LCOR: variants seen among roughly 807,000 people sequenced by gnomAD.
LCOR encodes ligand-dependent corepressor.
Under a neutral mutation model 64.4 loss-of-function variants are expected in LCOR, and 14 were observed. The observed-to-expected ratio is 0.22, with a 90% CI of 0.14 to 0.34. The LOEUF is 0.34. LCOR is among the 10% of genes least tolerant of loss of function. LCOR has a pLI of 1.00. For missense variants in LCOR, 1,686 were observed against 1,765.3 expected, an observed-to-expected ratio of 0.96 and a Z score of 0.80; for synonymous variants, 643 against 642.5, an observed-to-expected ratio of 1.00 and a Z score of -0.01.
rs1043106463 is a variant in LCOR at position 96,992,499 on chromosome 10, C to G, written c.*7365C>G. 1.3e-5 allele frequency: 2 copies of G among 152,310 alleles called. No individual in the cohort carries two copies. Among genetic ancestry groups the G allele is most frequent in the African/African-American group, 4.8e-5 (2 of 41,464 alleles). 9.4% of individuals were successfully genotyped at this position (152,310 alleles called of 1,614,324 possible). On this transcript the variant is annotated 3_prime_UTR_variant, in exon 8 of 8. Coordinates refer to ENST00000421806, the MANE Select transcript of LCOR (RefSeq NM_001346516.2). ...TTGGACAGATGCAACAGAAGCACGT[C>G]TCCCCCACTGTCACCCCATCCCACA...
intron 4 of LCOR, among the ~76,000 whole-genome samples, chr10:96,917,349 G>A (rs768605370): frequency 3.5e-4 from 54 of 152,294 alleles, no homozygotes; most frequent in Non-Finnish European, 5.3e-4. Flanking sequence ...AACTATGAGT[G>A]GCAAAAGCAA....
rs1186271543 is a variant in LCOR, at chr10:96,879,906, G to A, written c.-329-27359G>A. Among the ~76,000 whole-genome samples, 3 of 152,138 alleles carry A rather than the reference G, an allele frequency of 2.0e-5. 1 individual carries two copies. Among genetic ancestry groups the A allele is most frequent in the Non-Finnish European group, 4.4e-5 (3 of 68,026 alleles). On this transcript the variant is annotated intron_variant, in intron 2 of 7. Coordinates refer to ENST00000421806, the MANE Select transcript of LCOR (RefSeq NM_001346516.2). The stretch of plus-strand genomic sequence containing the variant: ...TTGAACTCCTAGCCTCAAGTAATCT[G>A]CCCACCTCGGCCTCCCAAAGTGCTG...
intron 2 of LCOR, among the ~76,000 whole-genome samples, chr10:96,872,887 T>G (rs1428977860): frequency 1.3e-5 from 2 of 152,204 alleles, no homozygotes; most frequent in Admixed American, 6.5e-5. Context: ...AGACTTGTAT[T>G]TAAAAGGTTA....
rs1848093053 is a variant in LCOR, at chr10:96,982,065, A to G, written c.1605A>G (p.Ala535=). 1 of 1,614,212 alleles carries G rather than the reference A, an allele frequency of 6.2e-7. No homozygotes were observed. Among genetic ancestry groups the G allele is most frequent in the African/African-American group, 1.3e-5 (1 of 75,062 alleles). ...AAAAAGCAAGCTGCTCAGCATTGGC[A>G]TCAGAGGCAGTTTTCACTCCTAAGC... ...SQEKASCSAL[A]SEAVFTPKQT... Residue 535 remains alanine, a synonymous_variant, in exon 8 of 8, where the codon GCA becomes GCG. Transcript: ENST00000421806.
intron 4 of LCOR, among the ~76,000 whole-genome samples, chr10:96,920,066 T>C (rs552962675): frequency 6.6e-6 from 1 of 152,284 alleles, no homozygotes; most frequent in Non-Finnish European, 1.5e-5. Context: ...TGAGAAATTA[T>C]CAGACTTTGC....
intron 2 of LCOR, among the ~76,000 whole-genome samples, chr10:96,863,842 T>C (rs796540776): frequency 5.9e-5 from 9 of 152,366 alleles, no homozygotes; most frequent in African/African-American, 2.2e-4. Flanking sequence ...CTAGTTGCCT[T>C]CTTTCATGAT....
At chr10:96,930,842 A>G (rs1476356809) in intron 4 of LCOR, among the ~76,000 whole-genome samples, 1 of 152,196 alleles carries the variant, frequency 6.6e-6, no homozygotes, top group African/African-American at 2.4e-5. Flanking sequence ...GTGAGAGCGC[A>G]GCAAGAAGGC....
chr10:96,897,234 T>C (rs1257790695), intron 2 of LCOR, among the ~76,000 whole-genome samples: 1 of 152,210 alleles, frequency 6.6e-6, no homozygotes, highest in Non-Finnish European at 1.5e-5. Flanking sequence ...AATACATATG[T>C]TATTGTTTGT....
At chr10:96,936,106 A>G (rs1209102589) in intron 4 of LCOR, among the ~76,000 whole-genome samples, 1 of 152,274 alleles carries the variant, frequency 6.6e-6, no homozygotes, top group Non-Finnish European at 1.5e-5. Context: ...AGAGACAGCT[A>G]AGAGCCCTCC....
intron 2 of LCOR, among the ~76,000 whole-genome samples, chr10:96,854,941 C>T (rs1308040461): frequency 6.6e-6 from 1 of 152,120 alleles, no homozygotes; most frequent in East Asian, 1.9e-4. Context: ...TACTGAATAT[C>T]TTGTTTTAGC....
rs1398395727 is a variant in LCOR at position 96,994,513 on chromosome 10, CT to C, written c.*9383del. 6.6e-6 allele frequency: 1 copy of C among 152,170 alleles called. No individual in the cohort carries two copies. The allele number at this position is 152,170 out of a possible 1,614,324, so 9.4% of individuals were successfully genotyped here. ...TTTAGGCTTTTGGAATATGTCTTCT[CT>C]TTTGTATTTATGATGGTGTTTGGAA... On this transcript the variant is annotated 3_prime_UTR_variant, in exon 8 of 8. Transcript: ENST00000421806.
rs186952327 is a variant in LCOR, at chr10:96,946,278, T to G, written c.-51+2033T>G. On this transcript the variant is annotated intron_variant, in intron 5 of 7. Transcript: ENST00000421806. ...GAATCTTTTGTTTTAATAATTCAGATGCTTAGATTTGGTCCCTTGTTTCAA... is the reference window on the plus strand; with the variant it reads ...GAATCTTTTGTTTTAATAATTCAGAGGCTTAGATTTGGTCCCTTGTTTCAA... 3.9e-5 allele frequency among the ~76,000 whole-genome samples: 6 copies of G among 152,222 alleles called. No homozygotes were observed. In the East Asian group the frequency reaches 1.2e-3, roughly 29 times the overall value.
At chr10:96,837,074 T>C (rs897264103) in intron 2 of LCOR, among the ~76,000 whole-genome samples, 10 of 151,258 alleles carry the variant, frequency 6.6e-5, no homozygotes, top group South Asian at 2.1e-4. Flanking sequence ...TCACTGCAAG[T>C]TCCGCCTCCT....
intron 2 of LCOR, among the ~76,000 whole-genome samples, chr10:96,892,585 CAT>C (rs1846464774): frequency 6.6e-6 from 1 of 152,054 alleles, no homozygotes; most frequent in Admixed American, 6.6e-5. Context: ...GCACTAATCC[CAT>C]TTATGAGGAC....
intron 7 of LCOR, among the ~76,000 whole-genome samples, chr10:96,969,554 T>G (rs1313097729): frequency 6.6e-6 from 1 of 152,202 alleles, no homozygotes; most frequent in Non-Finnish European, 1.5e-5. Flanking sequence ...GACTTCTTTT[T>G]GCATGGGTAG....
chr10:96,984,267 G>C lies in LCOR; in HGVS notation c.3807G>C (p.Glu1269Asp). 6.8e-6 allele frequency: 11 copies of C among 1,614,170 alleles called. No homozygotes were observed. The highest frequency in any genetic ancestry group is 9.3e-6 in the Non-Finnish European group (11 of 1,180,036). The change falls in exon 8 of 8, where the codon GAG becomes GAC. Residue 1269 changes from glutamate (E) to aspartate (D), a missense_variant. Around this residue, in one of 3 missense-constraint regions of LCOR, gnomAD observed 1,293 missense variants for 1,410.4 expected, o/e 0.92. Transcript: ENST00000421806. Reference protein sequence around the residue: ...AKFRENPDQVEPEDGSDVSPG... With the variant: ...AKFRENPDQVDPEDGSDVSPG... ...TTCGAGAGAATCCTGATCAAGTGGAGCCAGAAGATGGCAGTGATGTCAGCC... is the reference window on the plus strand; with the variant it reads ...TTCGAGAGAATCCTGATCAAGTGGACCCAGAAGATGGCAGTGATGTCAGCC...
intron 4 of LCOR, among the ~76,000 whole-genome samples, chr10:96,910,672 A>G (rs1419557837): frequency 1.3e-5 from 2 of 152,228 alleles, no homozygotes; most frequent in Admixed American, 1.3e-4. Context: ...AATAGAAAGA[A>G]CTATCTGGAG....
chr10:96,918,891 C>A (rs1377738685), intron 4 of LCOR, among the ~76,000 whole-genome samples: 1 of 152,210 alleles, frequency 6.6e-6, no homozygotes, highest in East Asian at 1.9e-4. Flanking sequence ...AGTAACTGTA[C>A]TTCTCTCATC....
chr10:96,897,990 A>T (rs1035362874), intron 2 of LCOR, among the ~76,000 whole-genome samples: 23 of 151,386 alleles, frequency 1.5e-4, no homozygotes, highest in African/African-American at 5.6e-4. Context: ...CCAACCTCTC[A>T]GTTAATTATA....
Sources: gnomAD v4.1 joint callset for allele counts (sites outside exome capture counted in the v4.1 genomes callset) on GRCh38, gnomAD v4.1.1 for gene constraint, gnomAD v4.1.1 regional missense constraint, MANE v1.5 for transcripts, NCBI Gene and HGNC (gene_info 2026-07-23, HGNC 2026-07-21) for gene names.